ANP32E: variants seen among roughly 807,000 people sequenced by gnomAD.
ANP32E encodes the protein acidic leucine-rich nuclear phosphoprotein 32 family member E.
Under a neutral mutation model 35.3 loss-of-function variants are expected in ANP32E, and 14 were observed. The ratio of observed to expected loss-of-function variants is 0.40; its 90% CI spans 0.26 to 0.62. ANP32E has a LOEUF of 0.62. ANP32E is among the 20% of genes least tolerant of loss of function. ANP32E has a pLI of 0.45. For missense variants in ANP32E, 198 were observed against 304.4 expected, an observed-to-expected ratio of 0.65 and a Z score of 2.60; for synonymous variants, 89 against 110.4, an observed-to-expected ratio of 0.81 and a Z score of 1.22.
intron 3 of ANP32E, among the ~76,000 whole-genome samples, chr1:150,229,854 G>A (rs781894542): frequency 2.5e-4 from 38 of 151,852 alleles, no homozygotes; most frequent in African/African-American, 6.8e-4. Context: ...CCTCATGATC[G>A]GCTCACCTCG....
intron 4 of ANP32E, among the ~76,000 whole-genome samples, chr1:150,227,896 C>T (rs187147514): frequency 1.3e-5 from 2 of 150,886 alleles, no homozygotes; most frequent in Non-Finnish European, 3.0e-5. Flanking sequence ...ATCCACTTAC[C>T]TAAAACTGTA....
Position 150,235,426 on chromosome 1 carries a change from C to G in ANP32E, c.54+307G>C, listed in dbSNP as rs1359111784. On this transcript the variant is annotated intron_variant, in intron 1 of 6. Transcript: ENST00000583931. The surrounding 1 kb of genome is among the most constrained non-coding windows in gnomAD (Gnocchi z 4.2). ...AGGAGGAGGAGTGCCGGGAGCGAAG[C>G]GGCGGAGCGCCCCCACCAGCCCGCT... Among the ~76,000 whole-genome samples the G allele has an allele frequency of 6.6e-6, 1 of 152,078 alleles. No homozygotes were observed. The highest frequency in any genetic ancestry group is 1.5e-5 in the Non-Finnish European group (1 of 68,000).
In ANP32E at chr1:150,219,844, G is replaced by C. The variant is rs1553836998; in HGVS notation, c.*847C>G. The C allele has an allele frequency of 6.6e-6, 1 of 152,058 alleles. No homozygotes were observed. 9.4% of individuals were successfully genotyped at this position (152,058 alleles called of 1,614,324 possible). A position where few individuals can be genotyped will look rare whatever the true frequency, so the allele number is the denominator to read the frequency against. ...GAGGTATAAGACTAAAGGTTTTCCT[G>C]GGTTTCACAAGTTTCCCAAGTTCCT... On this transcript the variant is annotated 3_prime_UTR_variant, in exon 7 of 7. Transcript: ENST00000583931.
In ANP32E at chr1:150,226,737, A is replaced by G. The variant is rs1559999475; in HGVS notation, c.552T>C (p.Tyr184=). The change falls in exon 5 of 7, where the codon TAT becomes TAC. Residue 184 remains tyrosine, a synonymous_variant. Coordinates refer to ENST00000583931, the MANE Select transcript of ANP32E (RefSeq NM_030920.5). The part of the protein sequence containing the change: ...EENEAGPPEG[Y]EEEEEEEEEE... ...CTTCCTCTTCCTCCTCCTCTTCCTC[A>G]TATCCTTCCGGTGGACCAGCTTCAT... 6.3e-7 allele frequency: 1 copy of G among 1,588,584 alleles called. No individual in the cohort carries two copies. The highest frequency in any genetic ancestry group is 1.1e-5 in the South Asian group (1 of 90,160).
intron 5 of ANP32E, among the ~76,000 whole-genome samples, chr1:150,226,130 G>A (rs1376333628): frequency 3.3e-5 from 5 of 151,012 alleles, no homozygotes; most frequent in Admixed American, 2.0e-4. Flanking sequence ...TCAGTCTCAC[G>A]ATTAGCTGGG....
chr1:150,234,721 G>A (rs1649640051), intron 1 of ANP32E: 1 of 970,162 alleles, frequency 1.0e-6, no homozygotes, highest in African/African-American at 1.8e-5. Flanking sequence ...GGAAAAAACG[G>A]GTCGCCTCCC....
chr1:150,234,627 G>C (rs782712635), intron 1 of ANP32E: 45 of 985,488 alleles, frequency 4.6e-5, no homozygotes, highest in Non-Finnish European at 5.2e-5. Context: ...TCCTCTGCGA[G>C]GCTCCCCGCT....
At chr1:150,221,113 T>C (rs1450622461) in intron 6 of ANP32E, among the ~76,000 whole-genome samples, 18 of 1,832 alleles carry the variant, frequency 9.8e-3, no homozygotes, top group Admixed American at 0.013. Flanking sequence ...AAACTTTGTC[T>C]CCAAAAAAAA....
chr1:150,231,864 A>G lies in ANP32E; in HGVS notation c.117T>C (p.Asp39=), dbSNP rs143204667. The G allele has an allele frequency of 1.9e-5, 30 of 1,613,416 alleles. No homozygotes were observed. The African/African-American group carries it at 3.9e-4, about 21-fold the overall frequency. The change falls in exon 2 of 7, where the codon GAT becomes GAC. Residue 39 remains aspartate, a synonymous_variant. Coordinates refer to ENST00000583931, the MANE Select transcript of ANP32E (RefSeq NM_030920.5). ...CVNGEIEGLN[D]TFKELEFLSM... ...TCAGAAATTCTAGTTCTTTGAAAGT[A>G]TCATTCAGGCCTTCAATTTCCCCAT...
rs904326476 is a variant in ANP32E at position 150,226,883 on chromosome 1, T to C, written c.494-88A>G. The C allele has an allele frequency of 6.8e-6, 10 of 1,474,382 alleles. No individual in the cohort carries two copies. The Admixed American group carries it at 2.0e-4, about 30-fold the overall frequency. The allele number at this position is 1,474,382 out of a possible 1,614,324, so 91.3% of individuals were successfully genotyped here. A position where few individuals can be genotyped will look rare whatever the true frequency, so the allele number is the denominator to read the frequency against. Reference sequence around the variant, plus strand: ...TGCTTTTTACCCTTGCCCAATCACTTCAAACTTGTAAGCCAATAGGTGGAA... The same window carrying C: ...TGCTTTTTACCCTTGCCCAATCACTCCAAACTTGTAAGCCAATAGGTGGAA... On this transcript the variant is annotated intron_variant, in intron 4 of 6. Coordinates refer to ENST00000583931, the MANE Select transcript of ANP32E (RefSeq NM_030920.5).
chr1:150,223,851 T>A (rs1289405734), intron 5 of ANP32E, among the ~76,000 whole-genome samples: 1 of 151,604 alleles, frequency 6.6e-6, no homozygotes, highest in Non-Finnish European at 1.5e-5. Flanking sequence ...GTTCAAGCGA[T>A]TCTCCTGCCT....
At chr1:150,231,253 G>A (rs1300349713) in intron 2 of ANP32E, among the ~76,000 whole-genome samples, 3 of 152,000 alleles carry the variant, frequency 2.0e-5, no homozygotes, top group East Asian at 1.9e-4. Context: ...AAAATATTTG[G>A]TATATATTAA....
At chr1:150,226,490 CAT>C (rs1648885313) in intron 5 of ANP32E, 116 bp downstream of exon 5, 9 of 1,193,142 alleles carry the variant, frequency 7.5e-6, no homozygotes, top group Non-Finnish European at 1.1e-5. Flanking sequence ...GGTGGATAGA[CAT>C]ATGCACACCC....
At chr1:150,226,921 C>A in intron 4 of ANP32E, 126 bp from the exon 5 acceptor site, 1 of 1,256,684 alleles carries the variant, frequency 8.0e-7, no homozygotes, top group Non-Finnish European at 1.0e-6. Flanking sequence ...TAACTCACAG[C>A]GATACTTTTT....
intron 6 of ANP32E, among the ~76,000 whole-genome samples, chr1:150,222,919 G>C (rs745394536): frequency 1.3e-5 from 2 of 151,818 alleles, no homozygotes; most frequent in Non-Finnish European, 2.9e-5. Context: ...TTGAGCTCAA[G>C]GTTCCATTCA....
rs7535140 is a variant in ANP32E at position 150,231,117 on chromosome 1, G to A, written c.205-424C>T. Among the ~76,000 whole-genome samples, 756 of 152,236 alleles carry A rather than the reference G, an allele frequency of 5.0e-3. 5 individuals carry two copies. Among genetic ancestry groups the A allele is most frequent in the African/African-American group, 0.017 (720 of 41,544 alleles). On this transcript the variant is annotated intron_variant, in intron 2 of 6. Coordinates refer to ENST00000583931, the MANE Select transcript of ANP32E (RefSeq NM_030920.5). ...CTCTCTGGCTTCAAGAAACTATCACGACAGATCATTAATTTCCAAATTCCT... is the reference window on the plus strand; with the variant it reads ...CTCTCTGGCTTCAAGAAACTATCACAACAGATCATTAATTTCCAAATTCCT...
intron 5 of ANP32E, among the ~76,000 whole-genome samples, chr1:150,224,785 T>A (rs1460537276): frequency 6.6e-6 from 1 of 152,220 alleles, no homozygotes; most frequent in Non-Finnish European, 1.5e-5. Flanking sequence ...GAGATGTTAT[T>A]TTTAATAATA....
chr1:150,234,694 G>T, intron 1 of ANP32E: 1 of 985,082 alleles, frequency 1.0e-6, no homozygotes, highest in Non-Finnish European at 1.2e-6. Flanking sequence ...ACCCCACACG[G>T]GGCGGGGACT....
chr1:150,228,958 A>G (rs1649110438), intron 4 of ANP32E, 114 bp downstream of exon 4: 2 of 879,016 alleles, frequency 2.3e-6, no homozygotes, highest in Admixed American at 5.2e-5. Flanking sequence ...TGTCTTACTA[A>G]TATCTTGTTG....
Sources: allele counts gnomAD v4.1 joint callset (sites outside exome capture counted in the v4.1 genomes callset), GRCh38; gene constraint gnomAD v4.1.1; non-coding constraint Gnocchi (gnomAD v3.1); transcripts MANE v1.5; gene names NCBI Gene and HGNC (gene_info 2026-07-23, HGNC 2026-07-21).